The following UTRN variants were observed in gnomAD, a reference collection of about 807,000 sequenced individuals.
UTRN encodes the protein utrophin, also known as dystrophin-related protein 1.
A neutral mutation model predicts 463.9 loss-of-function variants in UTRN; 283 were observed. The observed-to-expected ratio is 0.61, with a 90% CI of 0.55 to 0.67. The LOEUF is 0.67. Ranked by LOEUF, UTRN falls within the 30% of genes least tolerant of loss-of-function variation. The probability of loss-of-function intolerance (pLI) is 0.00; values close to 1 mark genes in which losing one functional copy is unlikely to be tolerated. For synonymous variants in UTRN, 1,442 were observed against 1,431.5 expected (o/e 1.01, Z -0.17); for missense variants, 3,922 against 4,084.3 (o/e 0.96, Z 1.08).
At chr6:144,822,659 G>T (rs62427251) in intron 66 of UTRN, among the ~76,000 whole-genome samples, 16,616 of 152,012 alleles carry the variant, frequency 0.11, 1,622 homozygotes, top group Admixed American at 0.32. Flanking sequence ...TTGATTTGTG[G>T]GTATGCTTTT....
intron 52 of UTRN, among the ~76,000 whole-genome samples, chr6:144,684,165 T>C (rs372257621): frequency 9.8e-4 from 148 of 151,598 alleles, no homozygotes; most frequent in African/African-American, 3.4e-3. Flanking sequence ...TTCTCCTGCC[T>C]CAGCCTCCCA....
intron 2 of UTRN, among the ~76,000 whole-genome samples, chr6:144,356,342 A>G (rs1163976489): frequency 1.3e-5 from 2 of 152,220 alleles, no homozygotes; most frequent in African/African-American, 4.8e-5. Flanking sequence ...TAACTGACAC[A>G]TTTCTATTAA....
At chr6:144,454,843 T>C (rs1788663650) in intron 19 of UTRN, among the ~76,000 whole-genome samples, 1 of 152,182 alleles carries the variant, frequency 6.6e-6, no homozygotes. Flanking sequence ...TTGAAATACA[T>C]GACTTAGCTG....
chr6:144,557,089 C>T (rs1799454566), intron 49 of UTRN, 68 bp from the exon 50 acceptor site: 1 of 1,531,688 alleles, frequency 6.5e-7, no homozygotes, highest in Non-Finnish European at 8.8e-7. Context: ...GCTGGGAGTA[C>T]CATTGTTTTG....
In UTRN at chr6:144,798,062, C is replaced by T. The variant is rs1279440697; in HGVS notation, c.9245+72C>T. 4 of 1,587,792 alleles carry T rather than the reference C, an allele frequency of 2.5e-6. No individual in the cohort carries two copies. The East Asian group carries it at 6.7e-5, about 27-fold the overall frequency. On this transcript the variant is annotated intron_variant, in intron 64 of 74. Coordinates refer to ENST00000367545, the MANE Select transcript of UTRN (RefSeq NM_007124.3). ...GTAATCTCAGTGGTACGTCCATCCT[C>T]CATTCCCATTCATTCCCATTTGGAG...
At chr6:144,750,293 A>G (rs1791242808) in intron 55 of UTRN, among the ~76,000 whole-genome samples, 1 of 152,044 alleles carries the variant, frequency 6.6e-6, no homozygotes, top group African/African-American at 2.4e-5. Flanking sequence ...GTGTGTGCAC[A>G]TTCTGTCATC....
intron 60 of UTRN, among the ~76,000 whole-genome samples, chr6:144,777,339 T>C (rs545502763): frequency 1.1e-4 from 17 of 152,310 alleles, no homozygotes; most frequent in African/African-American, 4.1e-4. Context: ...ACTATAAAAT[T>C]AAATGAAAAA....
At chr6:144,694,722 C>A (rs1783803622) in intron 52 of UTRN, among the ~76,000 whole-genome samples, 1 of 152,032 alleles carries the variant, frequency 6.6e-6, no homozygotes, top group African/African-American at 2.4e-5. Flanking sequence ...TTTGTGGGGT[C>A]AGTGGTGATA....
chr6:144,530,430 G>T (rs1180343549), intron 41 of UTRN, among the ~76,000 whole-genome samples: 1 of 152,106 alleles, frequency 6.6e-6, no homozygotes, highest in Non-Finnish European at 1.5e-5. Context: ...TGTGGGGTTA[G>T]GGCTTCAACA....
chr6:144,558,343 A>G (rs895035748), intron 50 of UTRN, among the ~76,000 whole-genome samples: 8 of 152,210 alleles, frequency 5.3e-5, no homozygotes, highest in Non-Finnish European at 1.0e-4. Flanking sequence ...TAGCAAAGAC[A>G]AAACTTCACA....
chr6:144,433,811 T>A (rs916614133), intron 9 of UTRN, among the ~76,000 whole-genome samples: 1 of 148,738 alleles, frequency 6.7e-6, no homozygotes, highest in African/African-American at 2.5e-5. Context: ...TGCTCCTCAC[T>A]TCCTAGATGG....
intron 2 of UTRN, among the ~76,000 whole-genome samples, chr6:144,391,598 A>C (rs888675267): frequency 3.3e-5 from 5 of 152,162 alleles, no homozygotes; most frequent in African/African-American, 7.2e-5. Flanking sequence ...CTCGAAAAAC[A>C]GTTCATACAG....
Position 144,699,439 on chromosome 6 carries a change from C to CAA in UTRN, c.7653-638_7653-637dup, listed in dbSNP as rs112944311. Among the ~76,000 whole-genome samples, 26 of 57,294 alleles carry CAA rather than the reference C, an allele frequency of 4.5e-4. No individual in the cohort carries two copies. In the Middle Eastern group the frequency reaches 0.041, roughly 90 times the overall value. The allele number at this position is 57,294 out of a possible 152,430, so 37.6% of individuals were successfully genotyped here. A position where few individuals can be genotyped will look rare whatever the true frequency, so the allele number is the denominator to read the frequency against. ...TGGGTGACAGAGCAATACTCTGTCT[C>CAA]AAAAAAAAAAATAATAATAATAATT... On this transcript the variant is annotated intron_variant, in intron 52 of 74. Coordinates refer to ENST00000367545, the MANE Select transcript of UTRN (RefSeq NM_007124.3).
intron 51 of UTRN, among the ~76,000 whole-genome samples, chr6:144,651,185 T>G (rs1166107813): frequency 1.3e-5 from 2 of 152,048 alleles, no homozygotes; most frequent in Admixed American, 6.5e-5. Flanking sequence ...TCAATTTTTT[T>G]GATATATATG....
At position 144,485,373 on chromosome 6, in the gene UTRN, T is replaced by C. The variant is rs1792335815; in HGVS notation, c.3688-12T>C. On this transcript the variant is annotated splice_polypyrimidine_tract_variant and intron_variant, in intron 27 of 74. Coordinates refer to ENST00000367545, the MANE Select transcript of UTRN (RefSeq NM_007124.3). The stretch of plus-strand genomic sequence containing the variant: ...TGGCTTTTTGTCTAATTTAAAATTT[T>C]TCATGCTTTAGGAGGTCTGGTCTTG... 6.2e-7 allele frequency: 1 copy of C among 1,613,660 alleles called. No homozygotes were observed. Among genetic ancestry groups the C allele is most frequent in the Non-Finnish European group, 8.5e-7 (1 of 1,179,866 alleles).
At chr6:144,404,701 G>A (rs1177669465) in intron 3 of UTRN, among the ~76,000 whole-genome samples, 1 of 152,122 alleles carries the variant, frequency 6.6e-6, no homozygotes, top group Non-Finnish European at 1.5e-5. Flanking sequence ...TTGAAACTGG[G>A]TAAATTACTT....
intron 52 of UTRN, among the ~76,000 whole-genome samples, chr6:144,679,085 T>C (rs1038242292): frequency 6.6e-6 from 1 of 152,146 alleles, no homozygotes; most frequent in African/African-American, 2.4e-5. Flanking sequence ...TGCTTAATCA[T>C]GTTGTTTTTT....
intron 34 of UTRN, among the ~76,000 whole-genome samples, chr6:144,499,988 A>G (rs1202455857): frequency 6.6e-6 from 1 of 152,218 alleles, no homozygotes; most frequent in Non-Finnish European, 1.5e-5. Context: ...GTGTATATGT[A>G]TCACATTTTC....
intron 66 of UTRN, among the ~76,000 whole-genome samples, chr6:144,825,185 C>T (rs60747321): frequency 0.085 from 12,953 of 152,182 alleles, 621 homozygotes; most frequent in South Asian, 0.11. Context: ...GGTTACATTT[C>T]ATATAATATC....
Sources: gnomAD v4.1 joint callset for allele counts (sites outside exome capture counted in the v4.1 genomes callset) on GRCh38, gnomAD v4.1.1 for gene constraint, MANE v1.5 for transcripts, NCBI Gene and HGNC (gene_info 2026-07-23, HGNC 2026-07-21) for gene names.